Variants in ATP2B2 observed in about 807,000 individuals in gnomAD.
ATP2B2 encodes plasma membrane calcium-transporting ATPase 2.
In ATP2B2, 15 loss-of-function variants were observed where a neutral mutation model predicts 120.0. The observed-to-expected ratio is 0.12, with a 90% CI of 0.08 to 0.19. The LOEUF is 0.19. Ranked by LOEUF, ATP2B2 falls within the 10% of genes least tolerant of loss-of-function variation. The pLI, the probability that ATP2B2 is intolerant of heterozygous loss-of-function variation, is 1.00. For missense variants in ATP2B2, 1,045 were observed against 1,719.8 expected, an observed-to-expected ratio of 0.61 and a Z score of 6.94; for synonymous variants, 694 against 700.3, an observed-to-expected ratio of 0.99 and a Z score of 0.14.
chr3:10,674,128 A>C (rs928033659), intron 1 of ATP2B2, among the ~76,000 whole-genome samples: 2 of 152,176 alleles, frequency 1.3e-5, no homozygotes, highest in Non-Finnish European at 1.5e-5. Context: ...AAGGAGTACA[A>C]CCATCTGCCT....
chr3:10,619,964 AAG>A (rs1358206993), intron 1 of ATP2B2: 4 of 152,266 alleles, frequency 2.6e-5, no homozygotes, highest in Non-Finnish European at 5.9e-5. Context: ...AGGGAAACCT[AAG>A]AGAAAACGAG....
intron 1 of ATP2B2, among the ~76,000 whole-genome samples, chr3:10,653,859 T>A (rs910547573): frequency 5.3e-5 from 8 of 152,202 alleles, no homozygotes; most frequent in African/African-American, 1.9e-4. Context: ...TGTTCTATAC[T>A]GTTCCTGCTT....
intron 2 of ATP2B2, among the ~76,000 whole-genome samples, chr3:10,433,282 T>C (rs1239192736): frequency 1.3e-5 from 2 of 152,206 alleles, no homozygotes; most frequent in African/African-American, 2.4e-5. Context: ...ATGCCTATTT[T>C]CTCAGGGATT....
chr3:10,685,192 T>G (rs933238964), intron 1 of ATP2B2, among the ~76,000 whole-genome samples: 1 of 152,218 alleles, frequency 6.6e-6, no homozygotes, highest in African/African-American at 2.4e-5. Context: ...TGAGGCACTC[T>G]GTAAACGGCA....
chr3:10,586,212 A>T (rs2068507754), intron 2 of ATP2B2, among the ~76,000 whole-genome samples: 4 of 151,908 alleles, frequency 2.6e-5, no homozygotes, highest in Admixed American at 2.6e-4. Flanking sequence ...GGCATTGGAG[A>T]CTCCATTGTC....
At chr3:10,597,900 C>T (rs1455327598) in intron 2 of ATP2B2, among the ~76,000 whole-genome samples, 10 of 152,158 alleles carry the variant, frequency 6.6e-5, no homozygotes, top group African/African-American at 2.4e-4. Context: ...CTCAAAAGGA[C>T]ATGACAAGGA....
intron 1 of ATP2B2, among the ~76,000 whole-genome samples, chr3:10,636,200 A>G (rs748707172): frequency 6.6e-6 from 1 of 152,206 alleles, no homozygotes; most frequent in Non-Finnish European, 1.5e-5. Context: ...GCTTTTGCCA[A>G]TAATGACATG....
rs113243445 is a variant in ATP2B2, at chr3:10,375,662, C to T, written c.1202-18G>A. On this transcript the variant is annotated intron_variant, in intron 10 of 22. Transcript: ENST00000360273. This position sits in a 1 kb window ranked among gnomAD's most constrained non-coding sequence, Gnocchi z 4.2. ...CACCAAGCCTGCAATGTGAGGGACA[C>T]ATGCTTGGGGGGTTCCAGGAAGTGG... The T allele has an allele frequency of 1.4e-4, 225 of 1,608,824 alleles. 2 individuals are homozygous for T. The African/African-American group carries it at 2.6e-3, about 19-fold the overall frequency.
Position 10,570,838 on chromosome 3 carries a change from C to T in ATP2B2, c.-414-36705G>A, listed in dbSNP as rs138359295. 4.6e-3 allele frequency among the ~76,000 whole-genome samples: 705 copies of T among 152,342 alleles called. 4 individuals are homozygous for T. The highest frequency in any genetic ancestry group is 0.016 in the African/African-American group (682 of 41,580). ...CACCTCAACGCCCTGCTGTACTGAC[C>T]AAGGCCTGAAAGGCCCTCCTCACTG... On this transcript the variant is annotated intron_variant, in intron 2 of 21. Transcript: ENST00000646379.
At position 10,368,149 on chromosome 3, in the gene ATP2B2, G is replaced by A. The variant is rs544794299; in HGVS notation, c.1659+3660C>T. ...ACTAGGTGGTCTCTACGGTTTGTGA[G>A]TCTTGTAGACCTTGCAATCTATCCT... On this transcript the variant is annotated intron_variant, in intron 12 of 22. Coordinates refer to ENST00000360273, the MANE Select transcript of ATP2B2 (RefSeq NM_001001331.4). Among the ~76,000 whole-genome samples the A allele has an allele frequency of 4.1e-4, 63 of 152,156 alleles. 1 individual carries two copies. The South Asian group carries it at 0.013, about 31-fold the overall frequency.
At chr3:10,502,309 G>C (rs1270187439) in intron 1 of ATP2B2, among the ~76,000 whole-genome samples, 2 of 152,174 alleles carry the variant, frequency 1.3e-5, no homozygotes, top group African/African-American at 4.8e-5. Flanking sequence ...GCATAAAACA[G>C]GGCAGAGATA....
At chr3:10,418,834 C>T (rs2062876476) in intron 2 of ATP2B2, among the ~76,000 whole-genome samples, 1 of 152,244 alleles carries the variant, frequency 6.6e-6, no homozygotes, top group South Asian at 2.1e-4. Flanking sequence ...ATTGCTCCCC[C>T]AGAGTCACCC....
At chr3:10,459,281 A>G (rs1196103184) in intron 1 of ATP2B2, among the ~76,000 whole-genome samples, 1 of 152,208 alleles carries the variant, frequency 6.6e-6, no homozygotes, top group Non-Finnish European at 1.5e-5. Flanking sequence ...ATATTTGTGG[A>G]GTTTCTAATG....
At chr3:10,452,424 A>C (rs545063831) in intron 1 of ATP2B2, among the ~76,000 whole-genome samples, 1 of 152,320 alleles carries the variant, frequency 6.6e-6, no homozygotes, top group Non-Finnish European at 1.5e-5. Flanking sequence ...GCCCTTGTTC[A>C]GGGTTGGATG....
At chr3:10,407,766 G>A (rs1359193395) in intron 3 of ATP2B2, among the ~76,000 whole-genome samples, 2 of 152,186 alleles carry the variant, frequency 1.3e-5, no homozygotes, top group African/African-American at 4.8e-5. Context: ...AACCAGGAGC[G>A]ATCGGCCACG....
chr3:10,507,291 C>A (rs1018549275), upstream of ATP2B2, among the ~76,000 whole-genome samples: 4 of 152,156 alleles, frequency 2.6e-5, no homozygotes, highest in African/African-American at 9.7e-5. Context: ...GCAGCCTCAT[C>A]TCTGCTTCAT....
chr3:10,487,089 T>C (rs1284454354), intron 1 of ATP2B2, among the ~76,000 whole-genome samples: 1 of 152,160 alleles, frequency 6.6e-6, no homozygotes, highest in African/African-American at 2.4e-5. Context: ...TACCACTATG[T>C]ACCCACTGCC....
At chr3:10,621,333 C>T (rs1221544174) in intron 1 of ATP2B2, among the ~76,000 whole-genome samples, 1 of 152,238 alleles carries the variant, frequency 6.6e-6, no homozygotes, top group Non-Finnish European at 1.5e-5. Context: ...ACGAGGCCAA[C>T]ACAGAGCAGT....
At chr3:10,594,105 T>C (rs1029010343) in intron 2 of ATP2B2, among the ~76,000 whole-genome samples, 3 of 152,190 alleles carry the variant, frequency 2.0e-5, no homozygotes, top group Non-Finnish European at 2.9e-5. Flanking sequence ...AGGAACACTT[T>C]TACACTGTTG....
Sources: gnomAD v4.1 joint callset for allele counts (sites outside exome capture counted in the v4.1 genomes callset) on GRCh38, gnomAD v4.1.1 for gene constraint, Gnocchi (gnomAD v3.1) non-coding constraint, MANE v1.5 for transcripts, NCBI Gene and HGNC (gene_info 2026-07-23, HGNC 2026-07-21) for gene names.